TMTC1: variants seen among roughly 807,000 people sequenced by gnomAD.
The protein encoded by TMTC1 is transmembrane O-mannosyltransferase targeting cadherins 1, also known as protein O-mannosyl-transferase TMTC1.
TMTC1 carries 73 observed loss-of-function variants against 104.8 expected under a neutral mutation model. The ratio of observed to expected loss-of-function variants is 0.70; its 90% CI spans 0.58 to 0.85. The LOEUF is 0.85. TMTC1 is among the 40% of genes least tolerant of loss of function. TMTC1 has a pLI of 0.00. For synonymous variants in TMTC1, 434 were observed against 428.7 expected, an observed-to-expected ratio of 1.01 and a Z score of -0.15; for missense variants, 1,035 against 1,096.1, an observed-to-expected ratio of 0.94 and a Z score of 0.79.
At chr12:29,744,329 A>G (rs911060110) in intron 5 of TMTC1, among the ~76,000 whole-genome samples, 1 of 152,264 alleles carries the variant, frequency 6.6e-6, no homozygotes, top group East Asian at 1.9e-4. Flanking sequence ...CAGCACACCA[A>G]CATGGCACAT....
At chr12:29,612,350 G>A (rs1342667651) in intron 6 of TMTC1, among the ~76,000 whole-genome samples, 1 of 152,146 alleles carries the variant, frequency 6.6e-6, no homozygotes, top group South Asian at 2.1e-4. Flanking sequence ...CATATTTCTT[G>A]TCAAGTACTC....
chr12:29,504,258 G>T lies in TMTC1; in HGVS notation c.*2588C>A, dbSNP rs1329945151. The T allele has an allele frequency of 6.7e-6, 1 of 150,368 alleles. No homozygotes were observed. The highest frequency in any genetic ancestry group is 2.5e-5 in the African/African-American group (1 of 40,736). 9.3% of individuals were successfully genotyped at this position (150,368 alleles called of 1,614,324 possible). On this transcript the variant is annotated 3_prime_UTR_variant, in exon 18 of 18. Transcript: ENST00000539277. ...ACACAGCAAGTATACTTCCATTAAG[G>T]GCAAACTAGATGCACCTCTATGATG...
Position 29,633,270 on chromosome 12 carries a change from G to A in TMTC1, c.1005C>T (p.Cys335=). The part of the protein sequence containing the change: ...VWLLLAPVTL[C]YDWQVGSIPL... The stretch of plus-strand genomic sequence containing the variant: ...GAATACTGCCGACCTGCCAGTCATA[G>A]CACAGGGTCACGGGTGCAAGCAGAA... Residue 335 remains cysteine, a synonymous_variant, in exon 6 of 18, where the codon TGC becomes TGT. Coordinates refer to ENST00000539277, the MANE Select transcript of TMTC1 (RefSeq NM_001193451.2). 1 of 1,613,982 alleles carries A rather than the reference G, an allele frequency of 6.2e-7. No individual in the cohort carries two copies. Among genetic ancestry groups the A allele is most frequent in the Non-Finnish European group, 8.5e-7 (1 of 1,179,978 alleles).
chr12:29,717,981 C>G (rs969970683), intron 5 of TMTC1, among the ~76,000 whole-genome samples: 1 of 152,032 alleles, frequency 6.6e-6, no homozygotes, highest in Admixed American at 6.6e-5. Flanking sequence ...TAAATGAAAC[C>G]ACTCAAAATA....
At chr12:29,517,191 T>C (rs1944011960) in intron 14 of TMTC1, among the ~76,000 whole-genome samples, 2 of 152,198 alleles carry the variant, frequency 1.3e-5, no homozygotes, top group Non-Finnish European at 2.9e-5. Context: ...AGGGTATATG[T>C]AAATTTTTTA....
At chr12:29,643,126 C>CA (rs948169737) in intron 5 of TMTC1, among the ~76,000 whole-genome samples, 1 of 151,638 alleles carries the variant, frequency 6.6e-6, no homozygotes, top group Non-Finnish European at 1.5e-5. Context: ...TGGCCATAAT[C>CA]AAAAAAATCA....
At chr12:29,667,338 T>TA (rs1272857399) in intron 5 of TMTC1, among the ~76,000 whole-genome samples, 1 of 152,202 alleles carries the variant, frequency 6.6e-6, no homozygotes, top group Non-Finnish European at 1.5e-5. Flanking sequence ...CAGTTCTATC[T>TA]ACTCAGAAAC....
At position 29,511,956 on chromosome 12, in the gene TMTC1, T is replaced by C. The variant is rs111382155; in HGVS notation, c.2508+87A>G. 2.0e-5 allele frequency: 25 copies of C among 1,255,426 alleles called. No individual in the cohort carries two copies. In the African/African-American group the frequency reaches 2.2e-4, roughly 11 times the overall value. The allele number at this position is 1,255,426 out of a possible 1,614,324, so 77.8% of individuals were successfully genotyped here. A position where few individuals can be genotyped will look rare whatever the true frequency, so the allele number is the denominator to read the frequency against. On this transcript the variant is annotated intron_variant, in intron 17 of 17. Transcript: ENST00000539277. ...ATGATTTCAAAAAGGAAATTAACAA[T>C]AGTTCCTCAATCCTTTAAGAAAGAA... is the stretch of plus-strand genomic sequence containing the variant.
intron 5 of TMTC1, among the ~76,000 whole-genome samples, chr12:29,656,391 G>C (rs982023263): frequency 7.5e-6 from 1 of 132,604 alleles, no homozygotes; most frequent in African/African-American, 2.9e-5. Context: ...ACAGAGTCTC[G>C]CTCTGTCACC....
At chr12:29,640,433 A>T (rs1174400019) in intron 5 of TMTC1, 2 of 152,190 alleles carry the variant, frequency 1.3e-5, no homozygotes, top group Non-Finnish European at 2.9e-5. Context: ...AGGACCCAGG[A>T]GACCCCCCAC....
At chr12:29,572,932 C>T (rs142885755) in intron 8 of TMTC1, among the ~76,000 whole-genome samples, 49 of 152,328 alleles carry the variant, frequency 3.2e-4, no homozygotes, top group African/African-American at 1.1e-3. Context: ...CCACAACCTG[C>T]TCTACAAAAC....
chr12:29,507,855 C>G (rs1483703949), intron 17 of TMTC1, among the ~76,000 whole-genome samples: 1 of 152,194 alleles, frequency 6.6e-6, no homozygotes, highest in Non-Finnish European at 1.5e-5. Context: ...GGAGTTCCCC[C>G]ATTAGAAAAA....
chr12:29,594,814 G>A (rs1300924907), intron 7 of TMTC1, among the ~76,000 whole-genome samples: 1 of 152,022 alleles, frequency 6.6e-6, no homozygotes, highest in Non-Finnish European at 1.5e-5. Context: ...CTTCAATATG[G>A]CATTGCAGAA....
At chr12:29,643,426 C>CTGTTATATATATATATATATCACATATA in intron 5 of TMTC1, among the ~76,000 whole-genome samples, 1 of 55,578 alleles carries the variant, frequency 1.8e-5, no homozygotes, top group East Asian at 4.3e-4. Flanking sequence ...AGTGGATAAA[C>CTGTTATATATATATATATATCACATATA]TGTGATATAT....
At chr12:29,536,350 A>G (rs1238993089) in intron 10 of TMTC1, 33 bp from the exon 11 acceptor site, 1 of 1,311,240 alleles carries the variant, frequency 7.6e-7, no homozygotes, top group Admixed American at 2.0e-5. Context: ...GGGGGAGAAC[A>G]TCTTTTAATA....
intron 5 of TMTC1, among the ~76,000 whole-genome samples, chr12:29,672,722 G>C (rs533110976): frequency 6.6e-6 from 1 of 152,084 alleles, no homozygotes; most frequent in Admixed American, 6.6e-5. Context: ...TCAGACACAC[G>C]TACACACTGA....
rs575306176 is a variant in TMTC1, at chr12:29,603,919, T to G, written c.1250+259A>C. Among the ~76,000 whole-genome samples the G allele has an allele frequency of 2.6e-5, 4 of 152,328 alleles. No individual in the cohort carries two copies. The South Asian group carries it at 8.3e-4, about 32-fold the overall frequency. ...TAGTGATAAATGATTACTACTAAAATCCTGAATATACTCAAGTTAATATTT... is the reference window on the plus strand; with the variant it reads ...TAGTGATAAATGATTACTACTAAAAGCCTGAATATACTCAAGTTAATATTT... On this transcript the variant is annotated intron_variant, in intron 7 of 17. Transcript: ENST00000539277.
chr12:29,540,159 T>C (rs1022957110), intron 10 of TMTC1, among the ~76,000 whole-genome samples: 3 of 152,174 alleles, frequency 2.0e-5, no homozygotes, highest in African/African-American at 7.2e-5. Context: ...GTGAAGCACG[T>C]GTGGGGAACC....
chr12:29,586,114 T>C (rs1946126637), intron 7 of TMTC1, among the ~76,000 whole-genome samples: 1 of 152,204 alleles, frequency 6.6e-6, no homozygotes, highest in East Asian at 1.9e-4. Context: ...TTTTATTTCA[T>C]TGAGCAGTGG....
Sources: allele counts gnomAD v4.1 joint callset (sites outside exome capture counted in the v4.1 genomes callset), GRCh38; gene constraint gnomAD v4.1.1; transcripts MANE v1.5; gene names NCBI Gene and HGNC (gene_info 2026-07-23, HGNC 2026-07-21).